Variants in ARHGAP20 observed in about 807,000 individuals in gnomAD.
The protein encoded by ARHGAP20 is Rho GTPase activating protein 20.
Under a neutral mutation model 73.7 loss-of-function variants are expected in ARHGAP20, and 34 were observed. The observed-to-expected ratio is 0.46, with a 90% CI of 0.35 to 0.61. The LOEUF (loss-of-function observed/expected upper bound fraction) is 0.61. ARHGAP20 is among the 20% of genes least tolerant of loss of function. ARHGAP20 has a pLI of 0.00. For synonymous variants in ARHGAP20, 523 were observed against 518.2 expected (o/e 1.01, Z -0.13); for missense variants, 1,314 against 1,420.9 (o/e 0.92, Z 1.21).
chr11:110,626,956 C>G (rs1055821669), intron 3 of ARHGAP20, among the ~76,000 whole-genome samples: 2 of 151,954 alleles, frequency 1.3e-5, no homozygotes, highest in African/African-American at 4.8e-5. Flanking sequence ...TAGTATTAGA[C>G]TATAGAAATT....
At chr11:110,631,338 C>T (rs1948856574) in intron 2 of ARHGAP20, among the ~76,000 whole-genome samples, 1 of 152,128 alleles carries the variant, frequency 6.6e-6, no homozygotes, top group Non-Finnish European at 1.5e-5. Flanking sequence ...CCCTCTTGCC[C>T]CTTCTCAGCT....
chr11:110,640,826 G>A (rs367658897), intron 2 of ARHGAP20, among the ~76,000 whole-genome samples: 39 of 151,740 alleles, frequency 2.6e-4, no homozygotes, highest in Non-Finnish European at 4.6e-4. Context: ...TGGGTGCAGC[G>A]CACCAACATG....
At chr11:110,628,669 A>T (rs983584613) in intron 3 of ARHGAP20, among the ~76,000 whole-genome samples, 4 of 152,132 alleles carry the variant, frequency 2.6e-5, no homozygotes, top group African/African-American at 9.7e-5. Context: ...CATAATTTGA[A>T]CCTCTTAAAT....
chr11:110,600,841 T>A lies in ARHGAP20; in HGVS notation c.964+5720A>T, dbSNP rs1948092593. ...AACCATTCCAAAGATGAGTTACAGA[T>A]CTAAGTCTCAGAGGGGGCCTTCTGA... is the stretch of plus-strand genomic sequence containing the variant. On this transcript the variant is annotated intron_variant, in intron 9 of 14. Coordinates refer to ENST00000683387, the MANE Select transcript of ARHGAP20 (RefSeq NM_001384657.1). 2.0e-5 allele frequency among the ~76,000 whole-genome samples: 3 copies of A among 152,186 alleles called. No homozygotes were observed. In the South Asian group the frequency reaches 6.2e-4, roughly 32 times the overall value.
At position 110,712,387 on chromosome 11, in the gene ARHGAP20, G is replaced by C. The variant is rs1426315899; in HGVS notation, c.-156C>G. 4.8e-5 allele frequency: 22 copies of C among 454,852 alleles called. No homozygotes were observed. In the East Asian group the frequency reaches 8.9e-4, roughly 18 times the overall value. 28.2% of individuals were successfully genotyped at this position (454,852 alleles called of 1,614,324 possible). ...GGGTGCTCGCCGCGCGCCTCCCGTC[G>C]GGGCCATGTACCTCCGCCTGCGCTC... is the stretch of plus-strand genomic sequence containing the variant. On this transcript the variant is annotated 5_prime_UTR_variant, in exon 1 of 15. Coordinates refer to ENST00000683387, the MANE Select transcript of ARHGAP20 (RefSeq NM_001384657.1).
At chr11:110,616,977 T>C (rs1337637581) in intron 4 of ARHGAP20, among the ~76,000 whole-genome samples, 1 of 152,126 alleles carries the variant, frequency 6.6e-6, no homozygotes, top group East Asian at 1.9e-4. Flanking sequence ...CATGTACAGC[T>C]TGAATAATTT....
chr11:110,708,146 T>C (rs1395312571), intron 1 of ARHGAP20, among the ~76,000 whole-genome samples: 1 of 152,034 alleles, frequency 6.6e-6, no homozygotes. Flanking sequence ...AATAAGCACG[T>C]GAAAAGATGC....
intron 1 of ARHGAP20, among the ~76,000 whole-genome samples, chr11:110,695,181 A>G (rs12294521): frequency 0.024 from 3,624 of 151,748 alleles, 153 homozygotes; most frequent in African/African-American, 0.084. Context: ...ACCTCAGACC[A>G]TATATAAAAA....
At chr11:110,711,693 TCGC>T in intron 1 of ARHGAP20, 8 of 1,446,788 alleles carry the variant, frequency 5.5e-6, no homozygotes, top group Middle Eastern at 4.7e-4. Flanking sequence ...CGGGCAGACA[TCGC>T]CGGCCCTGAC....
chr11:110,596,633 A>C (rs1947969556), intron 9 of ARHGAP20, among the ~76,000 whole-genome samples: 1 of 152,204 alleles, frequency 6.6e-6, no homozygotes, highest in African/African-American at 2.4e-5. Context: ...TTGAAAAGTC[A>C]GGAAACAACA....
intron 2 of ARHGAP20, among the ~76,000 whole-genome samples, chr11:110,631,703 T>C (rs1342335421): frequency 6.6e-6 from 1 of 152,176 alleles, no homozygotes; most frequent in Admixed American, 6.5e-5. Context: ...TTTTCTCCCC[T>C]GCCCTCCTTC....
chr11:110,711,320 C>T (rs1246735891), intron 1 of ARHGAP20, among the ~76,000 whole-genome samples: 1 of 145,256 alleles, frequency 6.9e-6, no homozygotes, highest in Non-Finnish European at 1.5e-5. Flanking sequence ...ACACCCGGAT[C>T]CCTATCCAGC....
intron 2 of ARHGAP20, among the ~76,000 whole-genome samples, chr11:110,635,486 G>A (rs1445572517): frequency 1.3e-5 from 2 of 152,084 alleles, no homozygotes; most frequent in South Asian, 4.2e-4. Flanking sequence ...CTACAATAGT[G>A]TATTCCAAGT....
chr11:110,578,450 C>T lies in ARHGAP20; in HGVS notation c.*920G>A. ...CAGAAACATTTCAGCAAAGTGATGC[C>T]ATGGTTTGATCACATTTTAACAGCA... is the stretch of plus-strand genomic sequence containing the variant. On this transcript the variant is annotated 3_prime_UTR_variant, in exon 15 of 15. Transcript: ENST00000683387. 1 of 985,364 alleles carries T rather than the reference C, an allele frequency of 1.0e-6. No homozygotes were observed. The highest frequency in any genetic ancestry group is 1.7e-5 in the African/African-American group (1 of 57,310). 61.0% of individuals were successfully genotyped at this position (985,364 alleles called of 1,614,324 possible).
At chr11:110,581,932 A>G (rs1013020019) in intron 14 of ARHGAP20, among the ~76,000 whole-genome samples, 2 of 68,796 alleles carry the variant, frequency 2.9e-5, no homozygotes, top group African/African-American at 4.0e-5. Context: ...GGAGAGGACA[A>G]AAAAAAAAAA....
intron 14 of ARHGAP20, 87 bp from the exon 15 acceptor site, chr11:110,581,312 G>A: frequency 3.0e-6 from 4 of 1,318,608 alleles, no homozygotes; most frequent in African/African-American, 1.8e-5. Flanking sequence ...CTTTTCATGT[G>A]AAGTGTTCAA....
chr11:110,606,501 T>C, intron 9 of ARHGAP20, 60 bp downstream of exon 9: 1 of 1,535,260 alleles, frequency 6.5e-7, no homozygotes, highest in Non-Finnish European at 8.8e-7. Flanking sequence ...GAGGTTTGAG[T>C]CTTTGCCTTT....
chr11:110,712,045 TG>T (rs1950672855), intron 1 of ARHGAP20, 81 bp downstream of exon 1: 7 of 1,247,652 alleles, frequency 5.6e-6, no homozygotes, highest in Middle Eastern at 3.1e-4. Flanking sequence ...CCTAGCGCGC[TG>T]CTGTGGCGGG....
In ARHGAP20 at chr11:110,712,055, G is replaced by A. The variant is rs1347949865; in HGVS notation, c.105+72C>T. 1.5e-5 allele frequency: 19 copies of A among 1,247,168 alleles called. No individual in the cohort carries two copies. In the East Asian group the frequency reaches 6.1e-4, roughly 40 times the overall value. 77.3% of individuals were successfully genotyped at this position (1,247,168 alleles called of 1,614,324 possible). A position where few individuals can be genotyped will look rare whatever the true frequency, so the allele number is the denominator to read the frequency against. On this transcript the variant is annotated intron_variant, in intron 1 of 14. Coordinates refer to ENST00000683387, the MANE Select transcript of ARHGAP20 (RefSeq NM_001384657.1). ...GTCCGCCTAGCGCGCTGCTGTGGCG[G>A]GCGCGGAGGGCGCGCGCCGGCAGTG...
Sources: gnomAD v4.1 joint callset for allele counts (sites outside exome capture counted in the v4.1 genomes callset) on GRCh38, gnomAD v4.1.1 for gene constraint, MANE v1.5 for transcripts, NCBI Gene and HGNC (gene_info 2026-07-23, HGNC 2026-07-21) for gene names.